Variants in SPMIP3 observed in about 807,000 individuals in gnomAD.
The protein encoded by SPMIP3 is sperm microtubule inner protein 3, also known as protein SPMIP3.
At chr1:244,371,745 T>C in the SPMIP3 span, among the ~76,000 whole-genome samples, 3 of 152,206 alleles carry the variant, frequency 2.0e-5, no homozygotes, top group Non-Finnish European at 4.4e-5. Context: ...GTTCTTAAAC[T>C]GTAATGTGGC....
chr1:244,364,470 A>G, the SPMIP3 span, among the ~76,000 whole-genome samples: 1 of 151,962 alleles, frequency 6.6e-6, no homozygotes, highest in African/African-American at 2.4e-5. Flanking sequence ...TTTAAAGAAA[A>G]GCACATCTGT....
At chr1:244,385,823 C>T in the SPMIP3 span, among the ~76,000 whole-genome samples, 9 of 152,032 alleles carry the variant, frequency 5.9e-5, no homozygotes, top group African/African-American at 1.9e-4. Context: ...TTTCTAAAAT[C>T]GGTGCACAAG....
At chr1:244,373,807 G>A in the SPMIP3 span, among the ~76,000 whole-genome samples, 4 of 151,904 alleles carry the variant, frequency 2.6e-5, no homozygotes, top group African/African-American at 7.3e-5. Context: ...GAAAAGCAAT[G>A]TACTATAAAA....
the SPMIP3 span, among the ~76,000 whole-genome samples, chr1:244,353,452 C>A: frequency 0.73 from 111,103 of 152,144 alleles, 41,325 homozygotes; most frequent in East Asian, 0.95. Flanking sequence ...TTTCTAGAAC[C>A]TTATCCAAAG....
chr1:244,362,881 T>A, the SPMIP3 span, among the ~76,000 whole-genome samples: 1 of 146,380 alleles, frequency 6.8e-6, no homozygotes, highest in Non-Finnish European at 1.5e-5. Flanking sequence ...GGTCTCACTG[T>A]CACCCAGGCT....
chr1:244,360,179 C>T, the SPMIP3 span, among the ~76,000 whole-genome samples: 1 of 152,216 alleles, frequency 6.6e-6, no homozygotes, highest in South Asian at 2.1e-4. Flanking sequence ...ATCATCTCAC[C>T]TCAGTTCAAA....
chr1:244,367,994 G>C, the SPMIP3 span, among the ~76,000 whole-genome samples: 7 of 151,972 alleles, frequency 4.6e-5, no homozygotes, highest in Non-Finnish European at 1.0e-4. Flanking sequence ...AAAGTCTTGC[G>C]CTGTCACCCA....
the SPMIP3 span, chr1:244,388,955 G>C: frequency 6.2e-7 from 1 of 1,612,184 alleles, no homozygotes; most frequent in South Asian, 1.1e-5. Flanking sequence ...TTCCAGATTG[G>C]AACCAGAAAT....
the SPMIP3 span, among the ~76,000 whole-genome samples, chr1:244,356,667 C>T: frequency 2.6e-5 from 4 of 152,248 alleles, no homozygotes; most frequent in East Asian, 7.7e-4. Flanking sequence ...TGAACCTGCA[C>T]AAGCCTTGAC....
the SPMIP3 span, among the ~76,000 whole-genome samples, chr1:244,366,698 G>A: frequency 6.6e-6 from 1 of 152,062 alleles, no homozygotes; most frequent in Non-Finnish European, 1.5e-5. Context: ...TGGCCAACAT[G>A]GTGAAACCCT....
chr1:244,366,291 C>T, the SPMIP3 span, among the ~76,000 whole-genome samples: 2 of 152,152 alleles, frequency 1.3e-5, no homozygotes, highest in African/African-American at 4.8e-5. Context: ...CTTCCTGCTG[C>T]CTTAGTCTCC....
chr1:244,363,562 G>A, the SPMIP3 span, among the ~76,000 whole-genome samples: 2 of 152,174 alleles, frequency 1.3e-5, no homozygotes, highest in Non-Finnish European at 2.9e-5. Context: ...GGCTCTGGGT[G>A]GGGCCCCCAG....
the SPMIP3 span, among the ~76,000 whole-genome samples, chr1:244,357,707 CAAAAAAAAA>C: frequency 5.3e-5 from 5 of 95,100 alleles, no homozygotes; most frequent in African/African-American, 8.3e-5. Flanking sequence ...GACTCCATCT[CAAAAAAAAA>C]AAAAAAAAAA....
the SPMIP3 span, among the ~76,000 whole-genome samples, chr1:244,357,921 G>T: frequency 6.6e-6 from 1 of 151,718 alleles, no homozygotes; most frequent in Non-Finnish European, 1.5e-5. Flanking sequence ...TACAAAAAAA[G>T]AAAAAAGAAG....
the SPMIP3 span, among the ~76,000 whole-genome samples, chr1:244,370,763 T>C: frequency 6.6e-6 from 1 of 152,180 alleles, no homozygotes; most frequent in South Asian, 2.1e-4. Flanking sequence ...TACCCTCGGG[T>C]GGCAGAATAG....
the SPMIP3 span, among the ~76,000 whole-genome samples, chr1:244,367,979 G>C: frequency 6.6e-6 from 1 of 151,892 alleles, no homozygotes; most frequent in Admixed American, 6.6e-5. Context: ...TTGTTTTTTT[G>C]AGACAAAGTC....
chr1:244,359,876 C>A, the SPMIP3 span, among the ~76,000 whole-genome samples: 1 of 151,880 alleles, frequency 6.6e-6, no homozygotes, highest in Non-Finnish European at 1.5e-5. Context: ...TTTGGGAGGC[C>A]GAGGCTGGCG....
chr1:244,386,076 C>T, the SPMIP3 span, among the ~76,000 whole-genome samples: 118 of 151,958 alleles, frequency 7.8e-4, no homozygotes, highest in African/African-American at 2.7e-3. Context: ...ACTCAGGAAG[C>T]TGAGGCAGGA....
chr1:244,362,792 T>TC, the SPMIP3 span, among the ~76,000 whole-genome samples: 4 of 150,910 alleles, frequency 2.7e-5, no homozygotes, highest in African/African-American at 9.8e-5. Context: ...TATGCCTTTG[T>TC]CCCCCAGCCA....
Sources: allele counts gnomAD v4.1 joint callset (sites outside exome capture counted in the v4.1 genomes callset), GRCh38; gene constraint gnomAD v4.1.1; transcripts MANE v1.5; gene names NCBI Gene and HGNC (gene_info 2026-07-23, HGNC 2026-07-21).